The following CALM2 variants were observed in gnomAD, a reference collection of about 807,000 sequenced individuals.
CALM2 encodes calmodulin 2.
In CALM2, 2 loss-of-function variants were observed where a neutral mutation model predicts 19.8. The observed-to-expected ratio is 0.10, with a 90% CI of 0.04 to 0.32. The LOEUF (loss-of-function observed/expected upper bound fraction) is 0.32. CALM2 is among the 10% of genes least tolerant of loss of function. The pLI is 1.00. For synonymous variants in CALM2, 51 were observed against 52.1 expected (o/e 0.98, Z 0.09); for missense variants, 38 against 178.7 (o/e 0.21, Z 4.49).
chr2:47,160,850 C>CAAAAAA (rs55773607), intron 5 of CALM2, 46 bp from the exon 6 acceptor site: 20 of 371,968 alleles, frequency 5.4e-5, no homozygotes, highest in Middle Eastern at 6.3e-4. Context: ...AGCAAAAGAC[C>CAAAAAA]AAAAAAAAAA....
At chr2:47,172,749 T>C (rs566496577) in intron 1 of CALM2, 13 of 198,992 alleles carry the variant, frequency 6.5e-5, no homozygotes, top group South Asian at 5.9e-4. Flanking sequence ...TGTGTGAAAG[T>C]TGAAGGATCC....
chr2:47,161,095 A>G (rs886877546), intron 5 of CALM2, among the ~76,000 whole-genome samples: 1 of 152,216 alleles, frequency 6.6e-6, no homozygotes, highest in Non-Finnish European at 1.5e-5. Context: ...CTGCTGGATT[A>G]CAAGACAATA....
intron 1 of CALM2, chr2:47,171,357 C>G (rs1015081550): frequency 1.3e-5 from 2 of 152,318 alleles, no homozygotes; most frequent in Non-Finnish European, 2.9e-5. Context: ...TTTTTAATAG[C>G]ACTTGGTTTT....
At chr2:47,174,379 A>C (rs767416427) in intron 1 of CALM2, among the ~76,000 whole-genome samples, 23 of 152,080 alleles carry the variant, frequency 1.5e-4, no homozygotes, top group African/African-American at 3.1e-4. Context: ...CAGCCCATTG[A>C]CTAGCCAGGA....
In CALM2 at chr2:47,162,677, GACC is replaced by G; in HGVS notation, c.35-18_35-16del. 1 of 1,574,976 alleles carries G rather than the reference GACC, an allele frequency of 6.3e-7. No individual in the cohort carries two copies. The highest frequency in any genetic ancestry group is 8.6e-7 in the Non-Finnish European group (1 of 1,156,612). ...TTCTTTGAATTCTGTTTGAAAGAAA[GACC>G]ACAATCCAAATACACAGATTAATAA... On this transcript the variant is annotated splice_polypyrimidine_tract_variant and intron_variant, in intron 2 of 5. Transcript: ENST00000272298.
At chr2:47,176,816 C>T (rs568887957), upstream of CALM2, 7 of 985,404 alleles carry the variant, frequency 7.1e-6, no homozygotes, top group South Asian at 1.9e-4. Flanking sequence ...CCCCGTTGGT[C>T]GTTGAGCCTG....
chr2:47,163,791 C>G (rs1387333353), intron 2 of CALM2: 1 of 152,336 alleles, frequency 6.6e-6, no homozygotes, highest in Non-Finnish European at 1.5e-5. Context: ...GTGCAACACT[C>G]CAGACTACCT....
At chr2:47,165,557 C>T (rs774865637) in intron 2 of CALM2, among the ~76,000 whole-genome samples, 4 of 152,198 alleles carry the variant, frequency 2.6e-5, no homozygotes, top group South Asian at 2.1e-4. Context: ...TCTTGGCCTT[C>T]GTAACAGTAC....
intron 1 of CALM2, 156 bp downstream of exon 1, chr2:47,176,285 C>A (rs1666864998): frequency 5.8e-6 from 5 of 859,298 alleles, no homozygotes; most frequent in Non-Finnish European, 8.9e-6. Flanking sequence ...ACCTGCGACA[C>A]AACCGTCGCC....
chr2:47,176,730 C>T, upstream of CALM2: 1 of 1,375,748 alleles, frequency 7.3e-7, no homozygotes, highest in South Asian at 1.6e-5. Flanking sequence ...TCCAGCGAGC[C>T]GTTAAAAGGC....
chr2:47,168,148 AG>A (rs1329483299), intron 2 of CALM2, among the ~76,000 whole-genome samples: 1 of 152,156 alleles, frequency 6.6e-6, no homozygotes, highest in Non-Finnish European at 1.5e-5. Context: ...CCTACAAAGT[AG>A]AACAAAAAGG....
chr2:47,162,795 G>C (rs771316217), intron 2 of CALM2, 133 bp from the exon 3 acceptor site: 26 of 702,526 alleles, frequency 3.7e-5, no homozygotes, highest in Non-Finnish European at 5.9e-5. Flanking sequence ...CTTCAGCCTG[G>C]CCAAACTGTA....
At chr2:47,174,574 G>A (rs547179912) in intron 1 of CALM2, among the ~76,000 whole-genome samples, 1 of 151,574 alleles carries the variant, frequency 6.6e-6, no homozygotes, top group South Asian at 2.1e-4. Context: ...TATAGTAAGA[G>A]CTGTCAATTT....
In CALM2 at chr2:47,160,610, A is replaced by G; in HGVS notation, c.*166T>C. On this transcript the variant is annotated 3_prime_UTR_variant, in exon 6 of 6. Transcript: ENST00000272298. ...TTTTCTAAAATAAGGTTTTAGGACA[A>G]TGACAGTAAGATAAGGGAAGAAAAC... 2 of 503,030 alleles carry G rather than the reference A, an allele frequency of 4.0e-6. No homozygotes were observed. The highest frequency in any genetic ancestry group is 3.3e-5 in the East Asian group (1 of 30,732). 31.2% of individuals were successfully genotyped at this position (503,030 alleles called of 1,614,324 possible).
At chr2:47,161,512 T>C (rs549847269) in intron 5 of CALM2, among the ~76,000 whole-genome samples, 1 of 152,202 alleles carries the variant, frequency 6.6e-6, no homozygotes, top group African/African-American at 2.4e-5. Flanking sequence ...TAGAACCTGA[T>C]AGTAAATATT....
intron 1 of CALM2, chr2:47,170,976 A>C (rs1239906520): frequency 1.9e-6 from 1 of 516,362 alleles, no homozygotes; most frequent in Non-Finnish European, 3.5e-6. Flanking sequence ...CAAATACTTC[A>C]GAATATTTTT....
intron 1 of CALM2, chr2:47,172,310 C>G (rs1666695397): frequency 2.6e-6 from 1 of 381,942 alleles, no homozygotes; most frequent in Non-Finnish European, 5.3e-6. Context: ...TTCTGAGTCA[C>G]AGGCCAGTAT....
At chr2:47,164,193 G>A (rs1299182212) in intron 2 of CALM2, among the ~76,000 whole-genome samples, 2 of 146,982 alleles carry the variant, frequency 1.4e-5, no homozygotes, top group Non-Finnish European at 3.0e-5. Flanking sequence ...AGCTGATATT[G>A]CGCCACTGCA....
At chr2:47,169,357 A>G (rs1048920918) in intron 2 of CALM2, among the ~76,000 whole-genome samples, 4 of 152,004 alleles carry the variant, frequency 2.6e-5, no homozygotes, top group African/African-American at 7.3e-5. Context: ...ATGGGGTCTC[A>G]CTATGTTGCC....
Sources: allele counts gnomAD v4.1 joint callset (sites outside exome capture counted in the v4.1 genomes callset), GRCh38; gene constraint gnomAD v4.1.1; transcripts MANE v1.5; gene names NCBI Gene and HGNC (gene_info 2026-07-23, HGNC 2026-07-21).